Variants in STX11 observed in about 807,000 individuals in gnomAD.
STX11 encodes syntaxin-11.
A neutral mutation model predicts 19.9 loss-of-function variants in STX11; 21 were observed. The observed-to-expected ratio is 1.06, with a 90% CI of 0.75 to 1.52. The LOEUF is 1.52. Ranked by LOEUF, STX11 falls within the 40% of genes most tolerant of loss-of-function variation. The pLI is 0.00. For synonymous variants in STX11, 193 were observed against 174.4 expected (o/e 1.11, Z -0.84); for missense variants, 438 against 405.9 (o/e 1.08, Z -0.68).
chr6:144,149,748 A>T (rs1033518369), upstream of STX11, among the ~76,000 whole-genome samples: 1 of 152,156 alleles, frequency 6.6e-6, no homozygotes, highest in Non-Finnish European at 1.5e-5. The surrounding 1 kb of genome is among the most constrained non-coding windows in gnomAD (Gnocchi z 5.1). Flanking sequence ...AGTGTTAGGA[A>T]TACGCGCGTG....
At position 144,156,008 on chromosome 6, in the gene STX11, T is replaced by C. The variant is rs200226536; in HGVS notation, c.-6+5305T>C. Among the ~76,000 whole-genome samples the C allele has an allele frequency of 6.5e-3, 614 of 94,686 alleles. 22 individuals carry two copies. Among genetic ancestry groups the C allele is most frequent in the African/African-American group, 0.026 (465 of 18,090 alleles). The allele number at this position is 94,686 out of a possible 152,430, so 62.1% of individuals were successfully genotyped here. A position where few individuals can be genotyped will look rare whatever the true frequency, so the allele number is the denominator to read the frequency against. On this transcript the variant is annotated intron_variant, in intron 1 of 1. Transcript: ENST00000367568. ...TTTCTTTCTTTCTTTCTTTCTTTCTTTCTTTCTCTCTTTCTCTCCTTCCTT... is the reference window on the plus strand; with the variant it reads ...TTTCTTTCTTTCTTTCTTTCTTTCTCTCTTTCTCTCTTTCTCTCCTTCCTT...
Position 144,151,393 on chromosome 6 carries a change from C to G in STX11, c.-6+690C>G. 1 of 985,432 alleles carries G rather than the reference C, an allele frequency of 1.0e-6. No homozygotes were observed. The highest frequency in any genetic ancestry group is 1.2e-6 in the Non-Finnish European group (1 of 829,938). 61.0% of individuals were successfully genotyped at this position (985,432 alleles called of 1,614,324 possible). On this transcript the variant is annotated intron_variant, in intron 1 of 1. Transcript: ENST00000367568. The surrounding 1 kb of genome is among the most constrained non-coding windows in gnomAD (Gnocchi z 4.6). ...AGCCGTTTCTCAGCAGAGGGAGGAG[C>G]TGTTATTTACAGGTATCCAAAAATG...
chr6:144,147,554 C>T (rs1278186432), upstream of STX11, among the ~76,000 whole-genome samples: 2 of 152,136 alleles, frequency 1.3e-5, no homozygotes. This position sits in a 1 kb window ranked among gnomAD's most constrained non-coding sequence, Gnocchi z 4.2. Context: ...CCCATTCTGT[C>T]TGCACACCAT....
rs111553233 is a variant in STX11, at chr6:144,175,229, C to T, written c.-5-11394C>T. 0.01 allele frequency among the ~76,000 whole-genome samples: 1,561 copies of T among 152,142 alleles called. 27 individuals are homozygous for T. The highest frequency in any genetic ancestry group is 0.035 in the African/African-American group (1,469 of 41,508). ...CTGTACTCCAGCCTGGGCAACAGAG[C>T]GAGACCCTGTGTCAAACAATAATAA... On this transcript the variant is annotated intron_variant, in intron 1 of 1. Coordinates refer to ENST00000367568, the MANE Select transcript of STX11 (RefSeq NM_003764.4). This position sits in a 1 kb window ranked among gnomAD's most constrained non-coding sequence, Gnocchi z 5.1.
the STX11 span, among the ~76,000 whole-genome samples, chr6:144,141,715 A>G: frequency 6.6e-6 from 1 of 151,600 alleles, no homozygotes; most frequent in African/African-American, 2.4e-5. Context: ...GTCTCATTCC[A>G]TTGTCCAGGC....
chr6:144,179,452 C>G (rs1332034905), intron 1 of STX11, among the ~76,000 whole-genome samples: 1 of 152,180 alleles, frequency 6.6e-6, no homozygotes, highest in Non-Finnish European at 1.5e-5. Context: ...ATTTGTTGTT[C>G]TTTAAGGGCT....
intron 1 of STX11, among the ~76,000 whole-genome samples, chr6:144,178,109 A>G (rs1205550057): frequency 1.3e-5 from 2 of 152,224 alleles, no homozygotes; most frequent in African/African-American, 4.8e-5. Context: ...AACGATTTTA[A>G]AAGAAGCCTT....
In STX11 at chr6:144,162,187, A is replaced by G. The variant is rs1029420895; in HGVS notation, c.-6+11484A>G. On this transcript the variant is annotated intron_variant, in intron 1 of 1. Transcript: ENST00000367568. This position sits in a 1 kb window ranked among gnomAD's most constrained non-coding sequence, Gnocchi z 4.6. ...TTTAAAAAGCTTCTGACCAAACCCA[A>G]CTTGTTATTACCCCACCATCACGCC... Among the ~76,000 whole-genome samples, 13 of 152,046 alleles carry G rather than the reference A, an allele frequency of 8.6e-5. No individual in the cohort carries two copies. The highest frequency in any genetic ancestry group is 7.2e-4 in the Admixed American group (11 of 15,266).
In STX11 at chr6:144,170,344, C is replaced by T. The variant is rs1801596972; in HGVS notation, c.-5-16279C>T. On this transcript the variant is annotated intron_variant, in intron 1 of 1. Coordinates refer to ENST00000367568, the MANE Select transcript of STX11 (RefSeq NM_003764.4). The surrounding 1 kb of genome is among the most constrained non-coding windows in gnomAD (Gnocchi z 4.7). Reference sequence around the variant, plus strand: ...CACATGCCATTTTATTACCTTTTGTCTGTGTGTGTGCGTGGGAAGGGGAAT... The same window carrying T: ...CACATGCCATTTTATTACCTTTTGTTTGTGTGTGTGCGTGGGAAGGGGAAT... Among the ~76,000 whole-genome samples, 1 of 152,098 alleles carries T rather than the reference C, an allele frequency of 6.6e-6. No individual in the cohort carries two copies. The highest frequency in any genetic ancestry group is 1.5e-5 in the Non-Finnish European group (1 of 68,006).
rs915619516 is a variant in STX11 at position 144,151,911 on chromosome 6, C to G, written c.-6+1208C>G. On this transcript the variant is annotated intron_variant, in intron 1 of 1. Transcript: ENST00000367568. This position sits in a 1 kb window ranked among gnomAD's most constrained non-coding sequence, Gnocchi z 4.6. The stretch of plus-strand genomic sequence containing the variant: ...GTGGGTAACAGCCCTTAGGAAGGGA[C>G]TGCACACTATCTCAACACGGTAGAG... 2.0e-5 allele frequency among the ~76,000 whole-genome samples: 3 copies of G among 152,170 alleles called. No individual in the cohort carries two copies. The highest frequency in any genetic ancestry group is 4.4e-5 in the Non-Finnish European group (3 of 68,032).
chr6:144,163,593 C>T (rs1801402161), intron 1 of STX11, among the ~76,000 whole-genome samples: 1 of 152,122 alleles, frequency 6.6e-6, no homozygotes, highest in African/African-American at 2.4e-5. Context: ...TTCTCCCTGC[C>T]TCTGCCTCCC....
Position 144,190,064 on chromosome 6 carries a change from C to T in STX11, c.*2573C>T, listed in dbSNP as rs1027077662. Among the ~76,000 whole-genome samples, 5 of 152,172 alleles carry T rather than the reference C, an allele frequency of 3.3e-5. No individual in the cohort carries two copies. Among genetic ancestry groups the T allele is most frequent in the African/African-American group, 4.8e-5 (2 of 41,442 alleles). On this transcript the variant is annotated 3_prime_UTR_variant, in exon 2 of 2. Transcript: ENST00000367568. ...GCTCTATATACATTTTAATTCCTCA[C>T]GTTTTATATTGGAGAGTTCGGTACA...
In STX11 at chr6:144,174,249, T is replaced by C. The variant is rs1214523824; in HGVS notation, c.-5-12374T>C. 2.0e-5 allele frequency among the ~76,000 whole-genome samples: 3 copies of C among 152,254 alleles called. No individual in the cohort carries two copies. In the East Asian group the frequency reaches 5.8e-4, roughly 29 times the overall value. ...CCTCTGCTTGCATCATATTTGCTAA[T>C]GTCTCAATGGTCAAAGCAAATCTCA... On this transcript the variant is annotated intron_variant, in intron 1 of 1. Transcript: ENST00000367568. The surrounding 1 kb of genome is among the most constrained non-coding windows in gnomAD (Gnocchi z 5.3).
chr6:144,172,753 A>G lies in STX11; in HGVS notation c.-5-13870A>G, dbSNP rs144890922. Among the ~76,000 whole-genome samples, 7 of 152,308 alleles carry G rather than the reference A, an allele frequency of 4.6e-5. No homozygotes were observed. Among genetic ancestry groups the G allele is most frequent in the African/African-American group, 1.7e-4 (7 of 41,568 alleles). On this transcript the variant is annotated intron_variant, in intron 1 of 1. Transcript: ENST00000367568. This position sits in a 1 kb window ranked among gnomAD's most constrained non-coding sequence, Gnocchi z 4.2. The stretch of plus-strand genomic sequence containing the variant: ...TCTGCATGAGATCTAGATACAGTTC[A>G]GACTCCTCAGAGATAGCTCTTCTTA...
the STX11 span, among the ~76,000 whole-genome samples, chr6:144,140,209 C>CATAAATATATATATAT: frequency 2.2e-5 from 1 of 44,472 alleles, no homozygotes; most frequent in African/African-American, 9.1e-5. Context: ...GGTCAATTCA[C>CATAAATATATATATAT]ATATATATAT....
chr6:144,162,976 T>C lies in STX11; in HGVS notation c.-6+12273T>C, dbSNP rs1311351828. 6.6e-6 allele frequency among the ~76,000 whole-genome samples: 1 copy of C among 152,250 alleles called. No individual in the cohort carries two copies. Among genetic ancestry groups the C allele is most frequent in the Non-Finnish European group, 1.5e-5 (1 of 68,044 alleles). ...TGTCTTATTCTAGTTTGCTCAGTGCTAGGAGTCCCATACAGGCTTATTCGA... is the reference window on the plus strand; with the variant it reads ...TGTCTTATTCTAGTTTGCTCAGTGCCAGGAGTCCCATACAGGCTTATTCGA... On this transcript the variant is annotated intron_variant, in intron 1 of 1. Transcript: ENST00000367568. This position sits in a 1 kb window ranked among gnomAD's most constrained non-coding sequence, Gnocchi z 4.6.
intron 1 of STX11, among the ~76,000 whole-genome samples, chr6:144,157,476 C>G (rs1801200924): frequency 6.6e-6 from 1 of 152,172 alleles, no homozygotes. Flanking sequence ...ACATTTGTAG[C>G]CAAGAGAGCA....
chr6:144,140,400 G>T, the STX11 span, among the ~76,000 whole-genome samples: 3 of 151,242 alleles, frequency 2.0e-5, no homozygotes, highest in African/African-American at 7.3e-5. Context: ...GACTACAGGC[G>T]CACGCCACCA....
chr6:144,163,243 C>T (rs757292399), intron 1 of STX11, among the ~76,000 whole-genome samples: 33 of 152,194 alleles, frequency 2.2e-4, no homozygotes, highest in Non-Finnish European at 2.8e-4. Context: ...GTCTTACCTT[C>T]TGTCAAATTT....
Sources: gnomAD v4.1 joint callset for allele counts (sites outside exome capture counted in the v4.1 genomes callset) on GRCh38, gnomAD v4.1.1 for gene constraint, Gnocchi (gnomAD v3.1) non-coding constraint, MANE v1.5 for transcripts, NCBI Gene and HGNC (gene_info 2026-07-23, HGNC 2026-07-21) for gene names.